The following INPP4B variants were observed in gnomAD, a reference collection of about 807,000 sequenced individuals.
INPP4B encodes the protein inositol polyphosphate 4-phosphatase type II.
A neutral mutation model predicts 122.5 loss-of-function variants in INPP4B; 55 were observed. The observed-to-expected ratio is 0.45, with a 90% CI of 0.36 to 0.56. The LOEUF is 0.56. Among genes scored for constraint, INPP4B ranks in the 20% least tolerant of loss-of-function variants. The pLI is 0.00. For missense variants in INPP4B, 1,000 were observed against 1,097.7 expected (o/e 0.91, Z 1.26); for synonymous variants, 403 against 388.7 (o/e 1.04, Z -0.43).
Position 142,590,089 on chromosome 4 carries a change from C to T in INPP4B, c.-190-127363G>A, listed in dbSNP as rs142584445. Reference sequence around the variant, plus strand: ...TAAATATAGCAAAATGATCATTAGTCGCCAGGAACTGATGAGACAAGCAGG... The same window carrying T: ...TAAATATAGCAAAATGATCATTAGTTGCCAGGAACTGATGAGACAAGCAGG... On this transcript the variant is annotated intron_variant, in intron 2 of 25. Transcript: ENST00000262992. 2.7e-3 allele frequency among the ~76,000 whole-genome samples: 414 copies of T among 152,044 alleles called. 6 individuals carry two copies. Among genetic ancestry groups the T allele is most frequent in the East Asian group, 0.018 (94 of 5,164 alleles).
intron 24 of INPP4B, among the ~76,000 whole-genome samples, chr4:142,083,280 A>C (rs1450413603): frequency 6.6e-6 from 1 of 152,212 alleles, no homozygotes; most frequent in Non-Finnish European, 1.5e-5. Flanking sequence ...ACTTAAGTTC[A>C]AGAATCAAGT....
At chr4:142,169,405 G>A (rs1824433872) in intron 16 of INPP4B, among the ~76,000 whole-genome samples, 1 of 151,514 alleles carries the variant, frequency 6.6e-6, no homozygotes, top group African/African-American at 2.4e-5. Context: ...CCCAGGAGTG[G>A]TTACAGTGAA....
chr4:142,633,410 G>T (rs1748420333), intron 2 of INPP4B, among the ~76,000 whole-genome samples: 1 of 152,098 alleles, frequency 6.6e-6, no homozygotes. Flanking sequence ...AAAATATAGA[G>T]CGCTTTTCCC....
chr4:142,791,951 A>G (rs1422546244), intron 1 of INPP4B, among the ~76,000 whole-genome samples: 2 of 152,180 alleles, frequency 1.3e-5, no homozygotes, highest in African/African-American at 4.8e-5. Flanking sequence ...TTGACAAGAA[A>G]TTCTGAAGTG....
intron 7 of INPP4B, among the ~76,000 whole-genome samples, chr4:142,357,777 A>G (rs953123585): frequency 2.0e-5 from 3 of 152,018 alleles, no homozygotes; most frequent in African/African-American, 7.2e-5. Context: ...CCTCTTAACT[A>G]GTTGTAATTA....
chr4:142,556,005 G>A (rs1729095035), intron 2 of INPP4B, among the ~76,000 whole-genome samples: 1 of 152,128 alleles, frequency 6.6e-6, no homozygotes, highest in Non-Finnish European at 1.5e-5. Flanking sequence ...TCTTAGCTGT[G>A]GGTAACTTAT....
rs745997655 is a variant in INPP4B, at chr4:142,517,704, G to A, written c.-190-54978C>T. On this transcript the variant is annotated intron_variant, in intron 2 of 25. Transcript: ENST00000262992. ...AGCAGCCCACCTAGTGATGAGAATG[G>A]AGTCTATTTCCATTGAAAGAGATGT... Among the ~76,000 whole-genome samples, 82 of 152,198 alleles carry A rather than the reference G, an allele frequency of 5.4e-4. 1 individual carries two copies. Among genetic ancestry groups the A allele is most frequent in the Non-Finnish European group, 6.8e-4 (46 of 68,004 alleles).
intron 3 of INPP4B, among the ~76,000 whole-genome samples, chr4:142,448,839 G>T (rs953918242): frequency 6.6e-6 from 1 of 152,128 alleles, no homozygotes; most frequent in African/African-American, 2.4e-5. Context: ...CAGGAGAAAG[G>T]TTCTCTTTGT....
At chr4:142,113,930 A>G (rs1791566073) in intron 21 of INPP4B, among the ~76,000 whole-genome samples, 1 of 146,156 alleles carries the variant, frequency 6.8e-6, no homozygotes, top group Non-Finnish European at 1.5e-5. Flanking sequence ...ATCAACTTAA[A>G]AAGATTCCTT....
chr4:142,320,575 T>A (rs913397322), intron 7 of INPP4B, among the ~76,000 whole-genome samples: 7 of 152,200 alleles, frequency 4.6e-5, no homozygotes, highest in Non-Finnish European at 1.5e-5. Context: ...GGTGGTGATT[T>A]CCGAGATTTT....
At chr4:142,403,586 C>T (rs1030036947) in intron 6 of INPP4B, among the ~76,000 whole-genome samples, 3 of 151,888 alleles carry the variant, frequency 2.0e-5, no homozygotes, top group African/African-American at 7.3e-5. Flanking sequence ...GAAAGAAACT[C>T]TAAATATGAT....
intron 2 of INPP4B, among the ~76,000 whole-genome samples, chr4:142,561,980 T>C (rs1042205526): frequency 6.6e-6 from 1 of 152,146 alleles, no homozygotes; most frequent in African/African-American, 2.4e-5. Context: ...TGTTCTCTTT[T>C]TCTTTTTCTT....
chr4:142,824,617 G>A (rs6822594), intron 1 of INPP4B, among the ~76,000 whole-genome samples: 1,915 of 152,168 alleles, frequency 0.013, 18 homozygotes, highest in South Asian at 0.035. Context: ...TCTCTGCACA[G>A]TATCAGAAAA....
intron 2 of INPP4B, among the ~76,000 whole-genome samples, chr4:142,497,773 C>A (rs1283380882): frequency 2.0e-5 from 3 of 152,150 alleles, no homozygotes; most frequent in African/African-American, 7.2e-5. Context: ...TCAGTCATTG[C>A]ATAGAAAGCC....
intron 18 of INPP4B, among the ~76,000 whole-genome samples, chr4:142,130,050 C>T (rs1800539904): frequency 6.6e-6 from 1 of 152,176 alleles, no homozygotes; most frequent in Admixed American, 6.5e-5. Flanking sequence ...GGGACAGTGA[C>T]CAAACGAGTT....
chr4:142,136,899 G>T (rs2152811135), intron 18 of INPP4B, among the ~76,000 whole-genome samples: 1 of 152,190 alleles, frequency 6.6e-6, no homozygotes, highest in Admixed American at 6.5e-5. Context: ...ACAAAGAAAT[G>T]GAAGAACATT....
rs139270730 is a variant in INPP4B, at chr4:142,370,330, G to T, written c.372+32608C>A. On this transcript the variant is annotated intron_variant, in intron 7 of 25. Transcript: ENST00000262992. ...TGCACAATAAATCTCTGTGGAGATTGTCTGGAGTCCTAAAACTACTTTAGA... is the reference window on the plus strand; with the variant it reads ...TGCACAATAAATCTCTGTGGAGATTTTCTGGAGTCCTAAAACTACTTTAGA... 1.4e-3 allele frequency among the ~76,000 whole-genome samples: 218 copies of T among 152,244 alleles called. 1 individual carries two copies. The highest frequency in any genetic ancestry group is 5.0e-3 in the African/African-American group (207 of 41,552).
chr4:142,254,383 G>A (rs1392252631), intron 11 of INPP4B, among the ~76,000 whole-genome samples: 1 of 139,868 alleles, frequency 7.1e-6, no homozygotes, highest in Admixed American at 7.5e-5. Context: ...AGAGAAGAAG[G>A]CTTCAGATGA....
In INPP4B at chr4:142,754,593, T is replaced by A. The variant is rs189520025; in HGVS notation, c.-253-28692A>T. Among the ~76,000 whole-genome samples the A allele has an allele frequency of 4.7e-3, 693 of 148,650 alleles. 2 individuals carry two copies. Among genetic ancestry groups the A allele is most frequent in the Non-Finnish European group, 7.5e-3 (493 of 66,012 alleles). ...ATGCATTCTTTCCCAAATCAAAAAA[T>A]TTTTTTAAAAATTCAAAGTTATTAT... On this transcript the variant is annotated intron_variant, in intron 1 of 25. Transcript: ENST00000262992.
Sources: gnomAD v4.1 joint callset for allele counts (sites outside exome capture counted in the v4.1 genomes callset) on GRCh38, gnomAD v4.1.1 for gene constraint, MANE v1.5 for transcripts, NCBI Gene and HGNC (gene_info 2026-07-23, HGNC 2026-07-21) for gene names.